Variants in ELAPOR2 observed in about 807,000 individuals in gnomAD.
ELAPOR2 encodes the protein endosome/lysosome-associated apoptosis and autophagy regulator family member 2.
In ELAPOR2, 89 loss-of-function variants were observed where a neutral mutation model predicts 120.7. That is an observed-to-expected ratio of 0.74 (90% CI 0.62 to 0.88). ELAPOR2 has a LOEUF of 0.88. ELAPOR2 is among the 40% of genes least tolerant of loss of function. The pLI is 0.00. For missense variants in ELAPOR2, 1,134 were observed against 1,251.6 expected, an observed-to-expected ratio of 0.91 and a Z score of 1.42; for synonymous variants, 444 against 444.9, an observed-to-expected ratio of 1.00 and a Z score of 0.03.
intron 8 of ELAPOR2, among the ~76,000 whole-genome samples, chr7:86,933,384 C>A (rs1212627727): frequency 6.6e-6 from 1 of 151,938 alleles, no homozygotes; most frequent in Non-Finnish European, 1.5e-5. Context: ...TGCCCTAATT[C>A]TGCTTATCTT....
chr7:86,938,317 A>T (rs2116321589), intron 7 of ELAPOR2, 103 bp from the exon 8 acceptor site: 1 of 813,598 alleles, frequency 1.2e-6, no homozygotes, highest in Non-Finnish European at 2.0e-6. Flanking sequence ...GTACAAATAA[A>T]CTTACCAGGG....
At chr7:86,889,573 G>C (rs139233085) in intron 21 of ELAPOR2, among the ~76,000 whole-genome samples, 5 of 151,862 alleles carry the variant, frequency 3.3e-5, no homozygotes, top group Non-Finnish European at 7.4e-5. Context: ...TTACTTCCGG[G>C]GGGGACAAGG....
chr7:87,002,661 G>C (rs1027740454), intron 1 of ELAPOR2, among the ~76,000 whole-genome samples: 8 of 152,016 alleles, frequency 5.3e-5, no homozygotes, highest in African/African-American at 1.7e-4. Context: ...TTCATTGGGG[G>C]TAGAGTTCCC....
rs192797545 is a variant in ELAPOR2 at position 86,933,501 on chromosome 7, G to A, written c.1089+4625C>T. 2.0e-4 allele frequency among the ~76,000 whole-genome samples: 31 copies of A among 151,926 alleles called. No homozygotes were observed. The East Asian group carries it at 2.1e-3, about 10-fold the overall frequency. The stretch of plus-strand genomic sequence containing the variant: ...AATGACTTTAAGGATCTCAGGTTTC[G>A]TTATAATCTCACAATTTTATTTCCA... On this transcript the variant is annotated intron_variant, in intron 8 of 21. Transcript: ENST00000450689.
intron 1 of ELAPOR2, among the ~76,000 whole-genome samples, chr7:87,009,378 AG>A (rs1793583323): frequency 6.6e-6 from 1 of 152,236 alleles, no homozygotes; most frequent in Non-Finnish European, 1.5e-5. Flanking sequence ...ACAGAACATT[AG>A]GAAGAAGGAC....
At chr7:87,034,019 T>C (rs1475513950) in intron 1 of ELAPOR2, among the ~76,000 whole-genome samples, 45 of 152,178 alleles carry the variant, frequency 3.0e-4, no homozygotes, top group Admixed American at 2.9e-3. Context: ...CTTAATAAAA[T>C]TCTTGAGGAA....
At chr7:87,022,890 T>C (rs906922203) in intron 1 of ELAPOR2, among the ~76,000 whole-genome samples, 26 of 152,056 alleles carry the variant, frequency 1.7e-4, no homozygotes, top group Non-Finnish European at 2.9e-4. Context: ...TTGAGAAGTG[T>C]CTGTTCATAT....
chr7:86,890,071 T>C (rs1327268782), intron 21 of ELAPOR2, among the ~76,000 whole-genome samples: 1 of 151,884 alleles, frequency 6.6e-6, no homozygotes, highest in Admixed American at 6.6e-5. Context: ...CAGTCAGTCA[T>C]ATTAATCAGA....
chr7:86,915,453 T>C (rs570164674), intron 12 of ELAPOR2, among the ~76,000 whole-genome samples: 2 of 152,022 alleles, frequency 1.3e-5, no homozygotes, highest in Non-Finnish European at 2.9e-5. Context: ...ATTTTATTTA[T>C]TATTTATTTA....
At position 86,877,469 on chromosome 7, in the gene ELAPOR2, T is replaced by C. The variant is rs1465768088; in HGVS notation, c.*3002A>G. ...CTCTGAAGATCAACTCTACATACTCTTAGTGTACAAAGATAAACGTGAGCA... is the reference window on the plus strand; with the variant it reads ...CTCTGAAGATCAACTCTACATACTCCTAGTGTACAAAGATAAACGTGAGCA... On this transcript the variant is annotated 3_prime_UTR_variant, in exon 22 of 22. Transcript: ENST00000450689. The C allele has an allele frequency of 6.6e-6, 1 of 152,204 alleles. No homozygotes were observed. Among genetic ancestry groups the C allele is most frequent in the Admixed American group, 6.5e-5 (1 of 15,278 alleles). 9.4% of individuals were successfully genotyped at this position (152,204 alleles called of 1,614,324 possible).
chr7:87,032,855 C>G (rs1033761881), intron 1 of ELAPOR2, among the ~76,000 whole-genome samples: 1 of 152,174 alleles, frequency 6.6e-6, no homozygotes, highest in African/African-American at 2.4e-5. Flanking sequence ...TGGCTACCTA[C>G]ACACCTTGTG....
chr7:86,880,841 T>C (rs1400216503), intron 21 of ELAPOR2, among the ~76,000 whole-genome samples: 1 of 151,668 alleles, frequency 6.6e-6, no homozygotes, highest in South Asian at 2.1e-4. Context: ...CCTGGGGACA[T>C]ACCTGACCTG....
intron 1 of ELAPOR2, among the ~76,000 whole-genome samples, chr7:86,985,219 A>C (rs1792677469): frequency 6.6e-6 from 1 of 152,206 alleles, no homozygotes; most frequent in South Asian, 2.1e-4. Flanking sequence ...CAATCAAAAA[A>C]AGTTCAGGAC....
chr7:86,880,176 G>T lies in ELAPOR2; in HGVS notation c.*295C>A. 2.6e-6 allele frequency: 1 copy of T among 387,152 alleles called. No individual in the cohort carries two copies. Among genetic ancestry groups the T allele is most frequent in the Non-Finnish European group, 4.6e-6 (1 of 215,444 alleles). 24.0% of individuals were successfully genotyped at this position (387,152 alleles called of 1,614,324 possible). A position where few individuals can be genotyped will look rare whatever the true frequency, so the allele number is the denominator to read the frequency against. On this transcript the variant is annotated 3_prime_UTR_variant, in exon 22 of 22. Transcript: ENST00000450689. ...TAATTATATGGCATGCATCAGCAGT[G>T]CATTGGTGGGCTTAAACTTGGTTTT...
chr7:86,922,230 A>T (rs984876934), intron 10 of ELAPOR2, among the ~76,000 whole-genome samples: 1 of 151,948 alleles, frequency 6.6e-6, no homozygotes, highest in Non-Finnish European at 1.5e-5. Context: ...CAGCTATTAT[A>T]ATTTTTATAC....
At chr7:86,926,331 C>A (rs1790065551) in intron 9 of ELAPOR2, among the ~76,000 whole-genome samples, 1 of 151,916 alleles carries the variant, frequency 6.6e-6, no homozygotes, top group Admixed American at 6.6e-5. Context: ...ATACCTGCTG[C>A]AAAAGTACTA....
At chr7:86,999,566 AT>A (rs1251643850) in intron 1 of ELAPOR2, among the ~76,000 whole-genome samples, 1 of 152,186 alleles carries the variant, frequency 6.6e-6, no homozygotes, top group Non-Finnish European at 1.5e-5. Context: ...CAAATAGACC[AT>A]TCTGCTTCTA....
chr7:86,944,275 TG>T (rs1790912694), intron 4 of ELAPOR2, among the ~76,000 whole-genome samples: 1 of 152,102 alleles, frequency 6.6e-6, no homozygotes, highest in South Asian at 2.1e-4. Context: ...GTAACTTTAG[TG>T]GTAACAGCTT....
At chr7:86,984,530 C>G (rs538049416) in intron 1 of ELAPOR2, among the ~76,000 whole-genome samples, 3 of 152,196 alleles carry the variant, frequency 2.0e-5, no homozygotes, top group Non-Finnish European at 4.4e-5. Flanking sequence ...GATTAAGAAA[C>G]TTACTCAAAA....
Sources: gnomAD v4.1 joint callset for allele counts (sites outside exome capture counted in the v4.1 genomes callset) on GRCh38, gnomAD v4.1.1 for gene constraint, MANE v1.5 for transcripts, NCBI Gene and HGNC (gene_info 2026-07-23, HGNC 2026-07-21) for gene names.